Variants in TCF7L1 observed in about 807,000 individuals in gnomAD.
TCF7L1 encodes transcription factor 7-like 1.
Under a neutral mutation model 63.7 loss-of-function variants are expected in TCF7L1, and 18 were observed. The ratio of observed to expected loss-of-function variants is 0.28; its 90% CI spans 0.20 to 0.42. The LOEUF (loss-of-function observed/expected upper bound fraction) is 0.42, where lower values mean the gene tolerates loss of function less well. Ranked by LOEUF, TCF7L1 falls within the 10% of genes least tolerant of loss-of-function variation. The probability of loss-of-function intolerance (pLI) is 1.00; values close to 1 mark genes in which losing one functional copy is unlikely to be tolerated. For synonymous variants in TCF7L1, 355 were observed against 340.9 expected (o/e 1.04, Z -0.46); for missense variants, 654 against 779.3 (o/e 0.84, Z 1.91).
chr2:85,292,146 A>T lies in TCF7L1; in HGVS notation c.525+8568A>T, dbSNP rs557532971. On this transcript the variant is annotated intron_variant, in intron 4 of 11. Transcript: ENST00000282111. ...CGCCATTCTCCCGCCTCAGCCTCCC[A>T]AGTAGCTGGGACTACAGGCGCCCGC... Among the ~76,000 whole-genome samples the T allele has an allele frequency of 4.2e-5, 2 of 47,206 alleles. 1 individual carries two copies. Among genetic ancestry groups the T allele is most frequent in the African/African-American group, 6.1e-4 (2 of 3,258 alleles). 31.0% of individuals were successfully genotyped at this position (47,206 alleles called of 152,430 possible).
intron 3 of TCF7L1, among the ~76,000 whole-genome samples, chr2:85,150,257 G>T (rs111866180): frequency 6.8e-6 from 1 of 146,304 alleles, no homozygotes; most frequent in African/African-American, 2.5e-5. Flanking sequence ...TTTTTGAGAC[G>T]GAGTCTCGCT....
At chr2:85,276,451 C>T (rs1338659355) in intron 3 of TCF7L1, among the ~76,000 whole-genome samples, 1 of 152,216 alleles carries the variant, frequency 6.6e-6, no homozygotes, top group Non-Finnish European at 1.5e-5. Context: ...ATTCAAAATG[C>T]TCTCCTTGTC....
chr2:85,309,001 C>A, intron 11 of TCF7L1, 28 bp from the exon 12 acceptor site: 1 of 1,559,296 alleles, frequency 6.4e-7, no homozygotes, highest in Non-Finnish European at 8.7e-7. Flanking sequence ...GCTATAGCTG[C>A]TCACTCTTTC....
intron 3 of TCF7L1, among the ~76,000 whole-genome samples, chr2:85,166,491 G>A (rs538669463): frequency 6.6e-6 from 1 of 152,338 alleles, no homozygotes; most frequent in East Asian, 1.9e-4. Context: ...GAGATGCCCT[G>A]ACTAGACCTG....
At chr2:85,190,735 C>T (rs1431133793) in intron 3 of TCF7L1, among the ~76,000 whole-genome samples, 1 of 152,188 alleles carries the variant, frequency 6.6e-6, no homozygotes, top group Non-Finnish European at 1.5e-5. Flanking sequence ...TTATTGGGAA[C>T]TTACTGGACT....
chr2:85,265,766 GTTTT>G (rs75640097), intron 3 of TCF7L1, among the ~76,000 whole-genome samples: 1 of 143,748 alleles, frequency 7.0e-6, no homozygotes, highest in Non-Finnish European at 1.5e-5. Context: ...ACTTTACTGG[GTTTT>G]TTTTTTTTGA....
At chr2:85,296,667 G>A (rs1288243940) in intron 4 of TCF7L1, among the ~76,000 whole-genome samples, 1 of 152,270 alleles carries the variant, frequency 6.6e-6, no homozygotes, top group Middle Eastern at 3.4e-3. Flanking sequence ...CGTTCCTTCT[G>A]TTCATTTCTG....
intron 4 of TCF7L1, among the ~76,000 whole-genome samples, chr2:85,284,225 T>G (rs1681488570): frequency 1.3e-5 from 2 of 152,198 alleles, no homozygotes; most frequent in Admixed American, 1.3e-4. Flanking sequence ...TTAGCCAGGA[T>G]GGTCTCGATC....
intron 3 of TCF7L1, among the ~76,000 whole-genome samples, chr2:85,223,507 TA>T (rs1679893515): frequency 6.6e-6 from 1 of 152,160 alleles, no homozygotes; most frequent in Non-Finnish European, 1.5e-5. Flanking sequence ...GGGTAGGGAA[TA>T]AGGCCTGATC....
At position 85,309,544 on chromosome 2, in the gene TCF7L1, G is replaced by A; in HGVS notation, c.*82G>A. 2.8e-6 allele frequency: 4 copies of A among 1,445,318 alleles called. No homozygotes were observed. The highest frequency in any genetic ancestry group is 2.8e-6 in the Non-Finnish European group (3 of 1,080,388). The allele number at this position is 1,445,318 out of a possible 1,614,324, so 89.5% of individuals were successfully genotyped here. ...AGAAAAAGAAAAAGGAGACTTTATT[G>A]GTCAATATTTGACCACTCTGGACTG... On this transcript the variant is annotated 3_prime_UTR_variant, in exon 12 of 12. Coordinates refer to ENST00000282111, the MANE Select transcript of TCF7L1 (RefSeq NM_031283.3).
chr2:85,171,116 C>T (rs1365746818), intron 3 of TCF7L1, among the ~76,000 whole-genome samples: 1 of 152,134 alleles, frequency 6.6e-6, no homozygotes, highest in Non-Finnish European at 1.5e-5. Flanking sequence ...AGCAGAGGCA[C>T]GTCTTACATG....
chr2:85,309,506 GT>G lies in TCF7L1; in HGVS notation c.*45del. 1 of 1,500,682 alleles carries G rather than the reference GT, an allele frequency of 6.7e-7. No homozygotes were observed. The highest frequency in any genetic ancestry group is 8.9e-7 in the Non-Finnish European group (1 of 1,121,304). The allele number at this position is 1,500,682 out of a possible 1,614,324, so 93.0% of individuals were successfully genotyped here. A position where few individuals can be genotyped will look rare whatever the true frequency, so the allele number is the denominator to read the frequency against. On this transcript the variant is annotated 3_prime_UTR_variant, in exon 12 of 12. Transcript: ENST00000282111. ...AGGCTGTCACATGACTCATTGAGTA[GT>G]AATGATTCAGAAGAAAAAGAAAAAG... is the stretch of plus-strand genomic sequence containing the variant.
At chr2:85,297,870 C>A (rs1051047696) in intron 4 of TCF7L1, among the ~76,000 whole-genome samples, 2 of 151,970 alleles carry the variant, frequency 1.3e-5, no homozygotes, top group African/African-American at 2.4e-5. Flanking sequence ...CTCTATATTT[C>A]TTTTCTACTT....
At chr2:85,285,009 G>A (rs1397140860) in intron 4 of TCF7L1, among the ~76,000 whole-genome samples, 4 of 152,058 alleles carry the variant, frequency 2.6e-5, no homozygotes, top group Admixed American at 2.6e-4. Context: ...CGAGGTGGGC[G>A]GATCACGAGG....
rs1370518860 is a variant in TCF7L1 at position 85,306,888 on chromosome 2, G to T, written c.1257+329G>T. Among the ~76,000 whole-genome samples the T allele has an allele frequency of 1.3e-5, 2 of 152,054 alleles. No homozygotes were observed. Among genetic ancestry groups the T allele is most frequent in the African/African-American group, 2.4e-5 (1 of 41,408 alleles). On this transcript the variant is annotated intron_variant, in intron 10 of 11. Transcript: ENST00000282111. This position sits in a 1 kb window ranked among gnomAD's most constrained non-coding sequence, Gnocchi z 4.3. ...ACTGTGTTAACCAGGATGGTCTCGAGCTCCTGACCTCGTGATCCGCCCACC... is the reference window on the plus strand; with the variant it reads ...ACTGTGTTAACCAGGATGGTCTCGATCTCCTGACCTCGTGATCCGCCCACC...
chr2:85,148,870 G>C (rs960261351), intron 3 of TCF7L1, among the ~76,000 whole-genome samples: 3 of 150,802 alleles, frequency 2.0e-5, no homozygotes, highest in African/African-American at 7.3e-5. Flanking sequence ...GCCCCCCCAG[G>C]TTCAAGCGAT....
intron 3 of TCF7L1, among the ~76,000 whole-genome samples, chr2:85,233,503 A>G (rs908978260): frequency 1.3e-5 from 2 of 151,534 alleles, no homozygotes; most frequent in Admixed American, 6.6e-5. Flanking sequence ...TTTAGTAGAG[A>G]TAGGGTTTCA....
chr2:85,271,884 C>G (rs1357202028), intron 3 of TCF7L1, among the ~76,000 whole-genome samples: 1 of 152,112 alleles, frequency 6.6e-6, no homozygotes, highest in African/African-American at 2.4e-5. Context: ...GAAGGGTAGA[C>G]TGGAAGAGAT....
intron 3 of TCF7L1, among the ~76,000 whole-genome samples, chr2:85,136,325 G>C (rs1484267483): frequency 6.6e-6 from 1 of 152,088 alleles, no homozygotes; most frequent in East Asian, 1.9e-4. Context: ...ATTTTTGTTA[G>C]TGTCCCCTCC....
Sources: allele counts gnomAD v4.1 joint callset (sites outside exome capture counted in the v4.1 genomes callset), GRCh38; gene constraint gnomAD v4.1.1; non-coding constraint Gnocchi (gnomAD v3.1); transcripts MANE v1.5; gene names NCBI Gene and HGNC (gene_info 2026-07-23, HGNC 2026-07-21).